ZNF407: variants seen among roughly 807,000 people sequenced by gnomAD.
The protein encoded by ZNF407 is zinc finger protein 407.
ZNF407 carries 17 observed loss-of-function variants against 131.2 expected under a neutral mutation model. The observed-to-expected ratio is 0.13, with a 90% CI of 0.09 to 0.19. The LOEUF is 0.19. Ranked by LOEUF, ZNF407 falls within the 10% of genes least tolerant of loss-of-function variation. The pLI, the probability that ZNF407 is intolerant of heterozygous loss-of-function variation, is 1.00. For synonymous variants in ZNF407, 1,156 were observed against 1,062.0 expected, an observed-to-expected ratio of 1.09 and a Z score of -1.72; for missense variants, 2,681 against 2,830.6, an observed-to-expected ratio of 0.95 and a Z score of 1.20.
intron 1 of ZNF407, among the ~76,000 whole-genome samples, chr18:74,627,188 C>T (rs1414709192): frequency 2.6e-5 from 4 of 152,102 alleles, no homozygotes; most frequent in African/African-American, 7.2e-5. Context: ...AGAGTAAATC[C>T]AGTCCCTGTG....
In ZNF407 at chr18:75,063,841, C is replaced by T. The variant is rs904071771; in HGVS notation, c.6120C>T (p.Ile2040=). The T allele has an allele frequency of 1.4e-5, 22 of 1,609,306 alleles. No individual in the cohort carries two copies. The highest frequency in any genetic ancestry group is 1.8e-5 in the Non-Finnish European group (21 of 1,179,156). ...CTGCCGACCCCGAGGCCCCCGAGAT[C>T]CAGATGTTCCCACAGGCCCAGGAGA... ...HVAADPEAPE[I]QMFPQAQESP... The change falls in exon 9 of 9, where the codon ATC becomes ATT. Residue 2040 remains isoleucine (I), a synonymous_variant. Transcript: ENST00000299687. The surrounding 1 kb of genome is among the most constrained non-coding windows in gnomAD (Gnocchi z 6.6).
intron 3 of ZNF407, among the ~76,000 whole-genome samples, chr18:74,776,383 TC>T (rs989694148): frequency 6.6e-6 from 1 of 152,230 alleles, no homozygotes; most frequent in Non-Finnish European, 1.5e-5. Flanking sequence ...GTAAGCATTT[TC>T]TAAATTGTTT....
At chr18:74,937,371 G>GA in intron 8 of ZNF407, among the ~76,000 whole-genome samples, 1 of 152,300 alleles carries the variant, frequency 6.6e-6, no homozygotes, top group East Asian at 1.9e-4. Context: ...TGGTATGGTA[G>GA]AAAAAATGAG....
At chr18:74,990,497 A>G (rs1049345032) in intron 8 of ZNF407, among the ~76,000 whole-genome samples, 1 of 152,234 alleles carries the variant, frequency 6.6e-6, no homozygotes, top group Admixed American at 6.5e-5. Context: ...GAAACTGTAT[A>G]TGACAACAGA....
chr18:74,810,129 G>C (rs1207988982), intron 4 of ZNF407, among the ~76,000 whole-genome samples: 3 of 152,194 alleles, frequency 2.0e-5, no homozygotes. Flanking sequence ...TAGAGGCCAG[G>C]TGTGAAGGTA....
At position 75,053,721 on chromosome 18, in the gene ZNF407, A is replaced by G. The variant is rs539346157; in HGVS notation, c.5429-9429A>G. On this transcript the variant is annotated intron_variant, in intron 8 of 8. Coordinates refer to ENST00000299687, the MANE Select transcript of ZNF407 (RefSeq NM_017757.3). ...ATGCGTTATCGTTTTCTACCTTGAC[A>G]ATGTCAGCGTCCAGTCCGCCCACTC... Among the ~76,000 whole-genome samples, 25 of 152,364 alleles carry G rather than the reference A, an allele frequency of 1.6e-4. No homozygotes were observed. In the South Asian group the frequency reaches 5.2e-3, roughly 32 times the overall value.
intron 3 of ZNF407, among the ~76,000 whole-genome samples, chr18:74,693,217 G>A (rs1285468813): frequency 6.6e-6 from 1 of 152,140 alleles, no homozygotes; most frequent in African/African-American, 2.4e-5. Context: ...GAGTTTATGT[G>A]GTTGCTTTAT....
chr18:75,001,559 T>A (rs1239536251), intron 8 of ZNF407, among the ~76,000 whole-genome samples: 1 of 152,126 alleles, frequency 6.6e-6, no homozygotes, highest in African/African-American at 2.4e-5. Context: ...GAAATAAACA[T>A]AGAACCATAG....
chr18:74,951,632 A>G (rs1293959158), intron 8 of ZNF407, among the ~76,000 whole-genome samples: 1 of 152,124 alleles, frequency 6.6e-6, no homozygotes, highest in Non-Finnish European at 1.5e-5. Flanking sequence ...TTTTATTTCA[A>G]AATTATTTTA....
chr18:74,687,831 A>G (rs892737206), intron 3 of ZNF407, among the ~76,000 whole-genome samples: 3 of 152,170 alleles, frequency 2.0e-5, no homozygotes, highest in African/African-American at 7.2e-5. Context: ...CTAACATCAT[A>G]TGGTTTCAAG....
At chr18:74,697,331 A>C (rs558966844) in intron 3 of ZNF407, among the ~76,000 whole-genome samples, 28 of 152,300 alleles carry the variant, frequency 1.8e-4, no homozygotes, top group South Asian at 6.2e-4. Flanking sequence ...CTAGTTTCCA[A>C]AGAAAAATAA....
At chr18:74,877,900 T>C (rs1165028745) in intron 5 of ZNF407, among the ~76,000 whole-genome samples, 1 of 152,242 alleles carries the variant, frequency 6.6e-6, no homozygotes, top group Non-Finnish European at 1.5e-5. Context: ...GGATAATTGA[T>C]ACAAAGACAC....
At chr18:74,601,952 A>G (rs1216058314) in intron 1 of ZNF407, among the ~76,000 whole-genome samples, 1 of 152,228 alleles carries the variant, frequency 6.6e-6, no homozygotes, top group Non-Finnish European at 1.5e-5. Flanking sequence ...ATATGCATAC[A>G]TATCTGTATA....
intron 4 of ZNF407, 101 bp from the exon 5 acceptor site, chr18:74,877,096 T>TG: frequency 1.0e-6 from 1 of 979,992 alleles, no homozygotes; most frequent in Non-Finnish European, 1.6e-6. Context: ...TCGCAGAGGC[T>TG]GCGTGTGCAC....
intron 1 of ZNF407, among the ~76,000 whole-genome samples, chr18:74,609,983 G>A (rs1019139188): frequency 6.6e-6 from 1 of 152,090 alleles, no homozygotes; most frequent in African/African-American, 2.4e-5. Flanking sequence ...AATATAAATT[G>A]TCTCTATTCT....
At chr18:74,893,277 C>T (rs1410137506) in intron 7 of ZNF407, among the ~76,000 whole-genome samples, 3 of 151,992 alleles carry the variant, frequency 2.0e-5, no homozygotes, top group African/African-American at 7.3e-5. Flanking sequence ...ACCAGATTTC[C>T]CTTTGAAATG....
chr18:74,953,609 C>T (rs986771465), intron 8 of ZNF407, among the ~76,000 whole-genome samples: 7 of 152,180 alleles, frequency 4.6e-5, no homozygotes, highest in East Asian at 1.9e-4. Flanking sequence ...CACTCCGTAA[C>T]GCTAGGCTTC....
At chr18:74,916,452 G>A (rs1342254266) in intron 7 of ZNF407, among the ~76,000 whole-genome samples, 5 of 137,770 alleles carry the variant, frequency 3.6e-5, no homozygotes, top group East Asian at 2.4e-4. Context: ...GGTATGGTGA[G>A]GTTGTGTGCA....
At chr18:74,884,401 G>GT (rs747342573) in intron 6 of ZNF407, among the ~76,000 whole-genome samples, 1 of 152,122 alleles carries the variant, frequency 6.6e-6, no homozygotes, top group East Asian at 1.9e-4. Flanking sequence ...TGATTGATGA[G>GT]TTACAAATTG....
Sources: allele counts gnomAD v4.1 joint callset (sites outside exome capture counted in the v4.1 genomes callset), GRCh38; gene constraint gnomAD v4.1.1; non-coding constraint Gnocchi (gnomAD v3.1); transcripts MANE v1.5; gene names NCBI Gene and HGNC (gene_info 2026-07-23, HGNC 2026-07-21).